ANK3: variants seen among roughly 807,000 people sequenced by gnomAD.
ANK3 encodes the protein ankyrin-3.
Under a neutral mutation model 370.9 loss-of-function variants are expected in ANK3, and 57 were observed. That is an observed-to-expected ratio of 0.15 (90% CI 0.12 to 0.19). The LOEUF (loss-of-function observed/expected upper bound fraction) is 0.19. Among genes scored for constraint, ANK3 ranks in the 10% least tolerant of loss-of-function variants. The probability of loss-of-function intolerance (pLI) is 1.00; values close to 1 mark genes in which losing one functional copy is unlikely to be tolerated. For missense variants in ANK3, 4,439 were observed against 5,302.1 expected (o/e 0.84, Z 5.06); for synonymous variants, 1,929 against 1,946.3 (o/e 0.99, Z 0.23).
chr10:60,687,530 A>AC (rs1448997898), intron 1 of ANK3, among the ~76,000 whole-genome samples: 13 of 124,604 alleles, frequency 1.0e-4, no homozygotes, highest in African/African-American at 2.3e-4. Flanking sequence ...GCTGGTATAA[A>AC]AAAAAACACA....
intron 10 of ANK3, among the ~76,000 whole-genome samples, chr10:60,206,818 G>A (rs1391037867): frequency 1.3e-5 from 2 of 152,182 alleles, no homozygotes; most frequent in Non-Finnish European, 2.9e-5. Context: ...TATTTCAGCT[G>A]CCAGTGGAGA....
In ANK3 at chr10:60,692,445, C is replaced by T. The variant is rs1157925960; in HGVS notation, c.57+40818G>A. Among the ~76,000 whole-genome samples, 3 of 152,288 alleles carry T rather than the reference C, an allele frequency of 2.0e-5. No individual in the cohort carries two copies. In the East Asian group the frequency reaches 5.8e-4, roughly 29 times the overall value. ...TCTGAGCATAGGTATTTCTGTATAT[C>T]TATTTCTAGGTTCTCAATTTCCATT... On this transcript the variant is annotated intron_variant, in intron 1 of 43. Transcript: ENST00000373827.
Position 60,166,847 on chromosome 10 carries a change from A to G in ANK3, c.2528T>C (p.Val843Ala). ...KMNVPETMNE[V>A]LDMSDDEVRK... The stretch of plus-strand genomic sequence containing the variant: ...ACCTTCATCATCAGACATATCAAGA[A>G]CTTCATTCATCGTTTCTGGAACATT... The change falls in exon 22 of 44, where the codon GTT becomes GCT. Residue 843 changes from valine to alanine, a missense_variant. Around this residue, in one of 13 missense-constraint regions of ANK3, gnomAD observed 702 missense variants for 941.5 expected, o/e 0.75. Transcript: ENST00000280772. 1 of 1,614,000 alleles carries G rather than the reference A, an allele frequency of 6.2e-7. No homozygotes were observed. Among genetic ancestry groups the G allele is most frequent in the Non-Finnish European group, 8.5e-7 (1 of 1,179,924 alleles).
intron 41 of ANK3, among the ~76,000 whole-genome samples, chr10:60,056,279 G>T (rs2079148614): frequency 6.6e-6 from 1 of 152,140 alleles, no homozygotes. Flanking sequence ...GACCAGCCTG[G>T]CCAACGTGGC....
At chr10:60,145,310 C>A (rs1590794260) in intron 23 of ANK3, among the ~76,000 whole-genome samples, 1 of 152,106 alleles carries the variant, frequency 6.6e-6, no homozygotes, top group African/African-American at 2.4e-5. Flanking sequence ...GAGTTGATTT[C>A]TTAATAGAAC....
At chr10:60,332,421 T>C (rs1421367358) in intron 1 of ANK3, among the ~76,000 whole-genome samples, 1 of 152,156 alleles carries the variant, frequency 6.6e-6, no homozygotes, top group Non-Finnish European at 1.5e-5. Context: ...AAGGGCTGAG[T>C]ATGTAGGTGT....
chr10:60,555,549 A>G (rs1460430058), intron 2 of ANK3, among the ~76,000 whole-genome samples: 2 of 152,154 alleles, frequency 1.3e-5, no homozygotes, highest in Non-Finnish European at 2.9e-5. Context: ...GAACAAATTT[A>G]AAAGCATTCG....
At chr10:60,326,883 C>CG (rs1397959660) in intron 1 of ANK3, among the ~76,000 whole-genome samples, 3 of 65,390 alleles carry the variant, frequency 4.6e-5, no homozygotes, top group African/African-American at 4.8e-5. Flanking sequence ...TAGTCGGGTG[C>CG]GGTGCGGGCG....
At position 60,699,751 on chromosome 10, in the gene ANK3, A is replaced by G. The variant is rs1307734916; in HGVS notation, c.57+33512T>C. ...TTGGCTCTCAAAGATCTTAGTTCAT[A>G]TATTGTTTAATGATGACCAGAGGTC... On this transcript the variant is annotated intron_variant, in intron 1 of 43. Transcript: ENST00000373827. Among the ~76,000 whole-genome samples, 10 of 152,264 alleles carry G rather than the reference A, an allele frequency of 6.6e-5. No individual in the cohort carries two copies. In the South Asian group the frequency reaches 1.0e-3, roughly 16 times the overall value.
intron 1 of ANK3, among the ~76,000 whole-genome samples, chr10:60,648,785 A>AAAAAAT (rs2078747012): frequency 1.3e-5 from 2 of 149,350 alleles, no homozygotes; most frequent in Non-Finnish European, 3.0e-5. Flanking sequence ...AAAAAAAAAA[A>AAAAAAT]TTCTTGCTGG....
chr10:60,592,209 T>A (rs1376019509), intron 2 of ANK3, among the ~76,000 whole-genome samples: 3 of 152,174 alleles, frequency 2.0e-5, no homozygotes, highest in African/African-American at 4.8e-5. Context: ...ACACCTATTA[T>A]GTACCCACAA....
rs541484862 is a variant in ANK3 at position 60,282,934 on chromosome 10, G to A, written c.115-3295C>T. Among the ~76,000 whole-genome samples, 6 of 152,190 alleles carry A rather than the reference G, an allele frequency of 3.9e-5. No individual in the cohort carries two copies. In the South Asian group the frequency reaches 1.2e-3, roughly 32 times the overall value. On this transcript the variant is annotated intron_variant, in intron 1 of 43. Transcript: ENST00000280772. ...AGACATTACAAAGCCCACAGAAAAA[G>A]AACCAATAAGTTCCTCCTTTTACTC...
intron 42 of ANK3, among the ~76,000 whole-genome samples, chr10:60,050,195 A>C (rs2077670160): frequency 6.6e-6 from 1 of 152,208 alleles, no homozygotes; most frequent in Non-Finnish European, 1.5e-5. Flanking sequence ...AGCAGGTTAA[A>C]TACTTGCAAA....
chr10:60,257,105 A>G (rs777892825), intron 7 of ANK3, among the ~76,000 whole-genome samples: 1 of 152,202 alleles, frequency 6.6e-6, no homozygotes, highest in Admixed American at 6.5e-5. Flanking sequence ...TGCAGAAGAG[A>G]AGTCTAATCC....
At chr10:60,411,044 C>A (rs901297112) in intron 2 of ANK3, among the ~76,000 whole-genome samples, 1 of 152,168 alleles carries the variant, frequency 6.6e-6, no homozygotes, top group African/African-American at 2.4e-5. Flanking sequence ...ACCAAGGATC[C>A]ACTGGGGGAA....
Position 60,178,365 on chromosome 10 carries a change from T to G in ANK3, c.2184+2964A>C, listed in dbSNP as rs12257203. On this transcript the variant is annotated intron_variant, in intron 18 of 43. Coordinates refer to ENST00000280772, the MANE Select transcript of ANK3 (RefSeq NM_020987.5). ...TGTAATAATTAGCTTTGGGACCTTA[T>G]GCAAGTAATTACTTTTTCTGTGCCT... 7.8e-3 allele frequency among the ~76,000 whole-genome samples: 1,185 copies of G among 152,320 alleles called. 15 individuals are homozygous for G. The highest frequency in any genetic ancestry group is 0.027 in the African/African-American group (1,137 of 41,568).
intron 2 of ANK3, among the ~76,000 whole-genome samples, chr10:60,410,390 T>C (rs961429905): frequency 6.6e-6 from 1 of 152,242 alleles, no homozygotes; most frequent in Admixed American, 6.5e-5. Flanking sequence ...AACGTCTGTT[T>C]TTCTTTGCTA....
At chr10:60,365,769 A>C (rs2059306687) in intron 1 of ANK3, among the ~76,000 whole-genome samples, 2 of 152,200 alleles carry the variant, frequency 1.3e-5, no homozygotes, top group South Asian at 4.1e-4. Flanking sequence ...AGGTTAATTA[A>C]CAAGCCCAAG....
chr10:60,067,903 A>C, intron 38 of ANK3, 32 bp downstream of exon 38: 1 of 1,531,978 alleles, frequency 6.5e-7, no homozygotes, highest in Non-Finnish European at 8.9e-7. Context: ...TGAAGAAACT[A>C]ATTTGTTCCA....
Sources: gnomAD v4.1 joint callset for allele counts (sites outside exome capture counted in the v4.1 genomes callset) on GRCh38, gnomAD v4.1.1 for gene constraint, gnomAD v4.1.1 regional missense constraint, MANE v1.5 for transcripts, NCBI Gene and HGNC (gene_info 2026-07-23, HGNC 2026-07-21) for gene names.